Variants in FAM193A observed in about 807,000 individuals in gnomAD.
FAM193A encodes family with sequence similarity 193 member A.
A neutral mutation model predicts 126.5 loss-of-function variants in FAM193A; 22 were observed. The observed-to-expected ratio is 0.17, with a 90% CI of 0.12 to 0.25. FAM193A has a LOEUF of 0.25. Ranked by LOEUF, FAM193A falls within the 10% of genes least tolerant of loss-of-function variation. FAM193A has a pLI of 1.00. For synonymous variants in FAM193A, 761 were observed against 646.8 expected (o/e 1.18, Z -2.68); for missense variants, 1,675 against 1,672.8 (o/e 1.00, Z -0.02).
At chr4:2,549,552 A>G (rs1737781935) in intron 1 of FAM193A, among the ~76,000 whole-genome samples, 2 of 135,854 alleles carry the variant, frequency 1.5e-5, no homozygotes, top group African/African-American at 5.4e-5. Context: ...GCCCGCCACT[A>G]CGCTCGGCTA....
chr4:2,710,514 A>G (rs1176023755), intron 19 of FAM193A, among the ~76,000 whole-genome samples: 1 of 139,616 alleles, frequency 7.2e-6, no homozygotes, highest in Admixed American at 7.2e-5. Flanking sequence ...TTTATTTTTT[A>G]TTTTAAGACA....
chr4:2,694,817 G>T (rs1716847331), intron 16 of FAM193A, 129 bp from the exon 17 acceptor site: 1 of 729,070 alleles, frequency 1.4e-6, no homozygotes. Flanking sequence ...AGTAACCCTG[G>T]GACTATGCAC....
intron 2 of FAM193A, among the ~76,000 whole-genome samples, chr4:2,607,072 T>C (rs760782747): frequency 1.3e-5 from 2 of 152,240 alleles, no homozygotes; most frequent in Admixed American, 6.5e-5. Context: ...CATCTCACAA[T>C]GCACAGTGAG....
chr4:2,681,742 G>T (rs1381072672), intron 13 of FAM193A, among the ~76,000 whole-genome samples: 2 of 152,144 alleles, frequency 1.3e-5, no homozygotes, highest in African/African-American at 4.8e-5. Context: ...GGAATTACAG[G>T]CATGAGCCAC....
chr4:2,557,656 A>T (rs1738339771), intron 1 of FAM193A, among the ~76,000 whole-genome samples: 3 of 152,092 alleles, frequency 2.0e-5, no homozygotes, highest in African/African-American at 7.2e-5. Context: ...AAATTCAGTA[A>T]AATGGTTAAC....
At chr4:2,570,685 A>T (rs1373831854) in intron 1 of FAM193A, among the ~76,000 whole-genome samples, 1 of 152,174 alleles carries the variant, frequency 6.6e-6, no homozygotes, top group East Asian at 1.9e-4. Flanking sequence ...TGGGCAGTTT[A>T]GGAGACAGTG....
chr4:2,693,215 T>G (rs529237017), intron 15 of FAM193A, among the ~76,000 whole-genome samples: 3 of 152,164 alleles, frequency 2.0e-5, no homozygotes, highest in African/African-American at 7.2e-5. Flanking sequence ...AGATGCGGTT[T>G]CACTGTGTTA....
intron 5 of FAM193A, among the ~76,000 whole-genome samples, chr4:2,633,284 A>G (rs959240049): frequency 1.1e-4 from 17 of 152,044 alleles, no homozygotes; most frequent in Non-Finnish European, 2.2e-4. Flanking sequence ...CTGTAGTCCC[A>G]GCTACTCGGG....
chr4:2,642,321 A>G (rs1470235843), intron 6 of FAM193A, among the ~76,000 whole-genome samples: 2 of 151,972 alleles, frequency 1.3e-5, no homozygotes, highest in African/African-American at 4.8e-5. Flanking sequence ...ACACAAAAAA[A>G]TCAGAACAAG....
chr4:2,599,216 GTT>G (rs200824190), intron 2 of FAM193A, among the ~76,000 whole-genome samples: 2 of 146,068 alleles, frequency 1.4e-5, no homozygotes, highest in African/African-American at 5.0e-5. Flanking sequence ...AAGTTAAACT[GTT>G]TTTTTTTTTT....
At chr4:2,670,908 C>T (rs1713712876) in intron 12 of FAM193A, among the ~76,000 whole-genome samples, 1 of 151,980 alleles carries the variant, frequency 6.6e-6, no homozygotes, top group African/African-American at 2.4e-5. Flanking sequence ...TTGTTATTTC[C>T]TGGGCTTCAG....
intron 4 of FAM193A, among the ~76,000 whole-genome samples, chr4:2,629,874 G>T (rs986169272): frequency 6.6e-6 from 1 of 152,194 alleles, no homozygotes; most frequent in African/African-American, 2.4e-5. Flanking sequence ...GCTCACGCCT[G>T]TAAGTCCCAG....
chr4:2,660,367 C>A (rs973190036), intron 10 of FAM193A, among the ~76,000 whole-genome samples: 2 of 152,190 alleles, frequency 1.3e-5, no homozygotes, highest in African/African-American at 4.8e-5. Flanking sequence ...ACCAGTCCGC[C>A]GTCTGTCCTG....
chr4:2,611,932 G>T (rs1367780781), intron 2 of FAM193A, among the ~76,000 whole-genome samples: 1 of 150,948 alleles, frequency 6.6e-6, no homozygotes, highest in South Asian at 2.1e-4. Context: ...CGCCTCCCGG[G>T]TTCACACCAT....
Position 2,630,892 on chromosome 4 carries a change from GGGCCCTGGTGGGCA to G in FAM193A, c.804-32_804-19del, listed in dbSNP as rs764638107. On this transcript the variant is annotated intron_variant, in intron 4 of 20. Transcript: ENST00000637812. ...TGCTCACTGACATCAGAGCACCCAT[GGGCCCTGGTGGGCA>G]GGCCCTGGTGACCCTCTTCTCTGTG... The G allele has an allele frequency of 3.6e-5, 42 of 1,153,764 alleles. 1 individual carries two copies. The South Asian group carries it at 4.0e-4, about 11-fold the overall frequency. The allele number at this position is 1,153,764 out of a possible 1,614,324, so 71.5% of individuals were successfully genotyped here.
At chr4:2,655,114 G>C (rs976837048) in intron 7 of FAM193A, 1 of 699,406 alleles carries the variant, frequency 1.4e-6, no homozygotes, top group South Asian at 1.5e-5. Context: ...TCCAGTCCTG[G>C]CTTCGAGGGG....
At chr4:2,623,226 G>A (rs1414237390) in intron 2 of FAM193A, among the ~76,000 whole-genome samples, 9 of 151,772 alleles carry the variant, frequency 5.9e-5, no homozygotes, top group Non-Finnish European at 8.8e-5. Flanking sequence ...GCTGGAGTGC[G>A]GTGGCGCGAT....
chr4:2,650,253 A>C (rs923347429), intron 7 of FAM193A, among the ~76,000 whole-genome samples: 6 of 152,226 alleles, frequency 3.9e-5, no homozygotes, highest in Non-Finnish European at 8.8e-5. Flanking sequence ...GTCTTCCATG[A>C]AATCGGTCCC....
chr4:2,610,460 A>G (rs1023280802), intron 2 of FAM193A, among the ~76,000 whole-genome samples: 2 of 152,208 alleles, frequency 1.3e-5, no homozygotes, highest in East Asian at 1.9e-4. Context: ...AGTAGTTGCT[A>G]ATGTAATTTG....
Sources: allele counts gnomAD v4.1 joint callset (sites outside exome capture counted in the v4.1 genomes callset), GRCh38; gene constraint gnomAD v4.1.1; transcripts MANE v1.5; gene names NCBI Gene and HGNC (gene_info 2026-07-23, HGNC 2026-07-21).